CHRM3: variants seen among roughly 807,000 people sequenced by gnomAD.
CHRM3 encodes the protein cholinergic receptor muscarinic 3, also known as muscarinic acetylcholine receptor M3.
In CHRM3, 11 loss-of-function variants were observed where a neutral mutation model predicts 41.8. The observed-to-expected ratio is 0.26, with a 90% confidence interval of 0.17 to 0.44. The LOEUF (loss-of-function observed/expected upper bound fraction) is 0.44, where lower values mean the gene tolerates loss of function less well. Ranked by LOEUF, CHRM3 falls within the 20% of genes least tolerant of loss-of-function variation. The pLI, the probability that CHRM3 is intolerant of heterozygous loss-of-function variation, is 1.00. For synonymous variants in CHRM3, 297 were observed against 301.4 expected (o/e 0.99, Z 0.15); for missense variants, 571 against 745.4 (o/e 0.77, Z 2.72).
intron 6 of CHRM3, among the ~76,000 whole-genome samples, chr1:239,883,532 C>T (rs894696251): frequency 6.6e-6 from 1 of 152,172 alleles, no homozygotes; most frequent in Non-Finnish European, 1.5e-5. Flanking sequence ...ATTCTAACTG[C>T]TTACTAAATT....
At chr1:239,847,942 G>A (rs1409315121) in intron 6 of CHRM3, among the ~76,000 whole-genome samples, 1 of 149,686 alleles carries the variant, frequency 6.7e-6, no homozygotes, top group Non-Finnish European at 1.5e-5. Context: ...GAGAAGAGAA[G>A]AGAGGAGGGG....
rs1680239923 is a variant in CHRM3, at chr1:239,909,527, C to G, written c.*303C>G. 1 of 275,604 alleles carries G rather than the reference C, an allele frequency of 3.6e-6. No homozygotes were observed. Among genetic ancestry groups the G allele is most frequent in the South Asian group, 7.8e-5 (1 of 12,812 alleles). The allele number at this position is 275,604 out of a possible 1,614,324, so 17.1% of individuals were successfully genotyped here. A position where few individuals can be genotyped will look rare whatever the true frequency, so the allele number is the denominator to read the frequency against. Reference sequence around the variant, plus strand: ...ATATTGCTTGACGGCAATTATATACCCAAAGTGATTTGCCTGGGTCCTTTA... The same window carrying G: ...ATATTGCTTGACGGCAATTATATACGCAAAGTGATTTGCCTGGGTCCTTTA... On this transcript the variant is annotated 3_prime_UTR_variant, in exon 7 of 7. Coordinates refer to ENST00000676153, the MANE Select transcript of CHRM3 (RefSeq NM_001375978.1).
chr1:239,721,292 C>A (rs981683924), intron 5 of CHRM3, among the ~76,000 whole-genome samples: 6 of 151,730 alleles, frequency 4.0e-5, no homozygotes, highest in African/African-American at 1.5e-4. Flanking sequence ...AAGAAATGTT[C>A]TTCTCCAGTT....
rs73120673 is a variant in CHRM3 at position 239,587,299 on chromosome 1, C to T, written c.-313+41550C>T. On this transcript the variant is annotated intron_variant, in intron 3 of 6. Transcript: ENST00000676153. ...CTTCCCATTGAAGGGACCAACTCAGCCCTCCTTCCTGTGGTAATAACAAAG... is the reference window on the plus strand; with the variant it reads ...CTTCCCATTGAAGGGACCAACTCAGTCCTCCTTCCTGTGGTAATAACAAAG... Among the ~76,000 whole-genome samples, 1,353 of 152,246 alleles carry T rather than the reference C, an allele frequency of 8.9e-3. 18 individuals carry two copies. Among genetic ancestry groups the T allele is most frequent in the African/African-American group, 0.031 (1,301 of 41,526 alleles).
chr1:239,574,453 G>C (rs1183420313), intron 3 of CHRM3, among the ~76,000 whole-genome samples: 1 of 152,020 alleles, frequency 6.6e-6, no homozygotes, highest in African/African-American at 2.4e-5. Context: ...ACTCTTCTCG[G>C]TTATGCACTG....
rs531556599 is a variant in CHRM3, at chr1:239,403,976, G to GGAGAGAGAGAGAGAGAGAGAGAGA, written c.-521+16764_-521+16787dup. ...GGGAGGGAGGGAGGGAGAGGGAGGG[G>GGAGAGAGAGAGAGAGAGAGAGAGA]GAGAGAGAGAGAGAGAGAGAGAGAG... is the stretch of plus-strand genomic sequence containing the variant. On this transcript the variant is annotated intron_variant, in intron 1 of 6. Transcript: ENST00000676153. Among the ~76,000 whole-genome samples the GGAGAGAGAGAGAGAGAGAGAGAGA allele has an allele frequency of 6.2e-4, 29 of 46,506 alleles. 3 individuals are homozygous for GGAGAGAGAGAGAGAGAGAGAGAGA. The highest frequency in any genetic ancestry group is 7.0e-4 in the Non-Finnish European group (18 of 25,764). The allele number at this position is 46,506 out of a possible 152,430, so 30.5% of individuals were successfully genotyped here.
chr1:239,749,374 G>C (rs1184343386), intron 5 of CHRM3, among the ~76,000 whole-genome samples: 1 of 152,114 alleles, frequency 6.6e-6, no homozygotes, highest in Non-Finnish European at 1.5e-5. Context: ...CTTGCAAGAA[G>C]CTTGGAGGGT....
chr1:239,610,309 G>C (rs1445145856), intron 3 of CHRM3, among the ~76,000 whole-genome samples: 1 of 148,972 alleles, frequency 6.7e-6, no homozygotes, highest in Non-Finnish European at 1.5e-5. Flanking sequence ...AATCTTAAAA[G>C]AATAATCAAG....
At chr1:239,700,969 C>A (rs1378185333) in intron 5 of CHRM3, among the ~76,000 whole-genome samples, 2 of 152,152 alleles carry the variant, frequency 1.3e-5, no homozygotes, top group Admixed American at 6.5e-5. Flanking sequence ...AAAAGAGCTA[C>A]CATCTCCCTT....
At chr1:239,864,178 C>A (rs1396182292) in intron 6 of CHRM3, among the ~76,000 whole-genome samples, 2 of 151,702 alleles carry the variant, frequency 1.3e-5, no homozygotes, top group Non-Finnish European at 2.9e-5. Context: ...GGCAACATAG[C>A]GAGACCCTGC....
chr1:239,838,416 A>C (rs1015480934), intron 6 of CHRM3, among the ~76,000 whole-genome samples: 5 of 151,790 alleles, frequency 3.3e-5, no homozygotes, highest in African/African-American at 9.7e-5. Flanking sequence ...GTTTTGGACA[A>C]CTCTACAATA....
chr1:239,628,210 TC>T (rs1369320433), intron 3 of CHRM3, among the ~76,000 whole-genome samples: 20 of 40,924 alleles, frequency 4.9e-4, no homozygotes, highest in South Asian at 8.1e-4. Context: ...TTCTTTTTAT[TC>T]TTTTTTCTCT....
At chr1:239,707,630 A>C (rs1354553510) in intron 5 of CHRM3, 3 of 152,200 alleles carry the variant, frequency 2.0e-5, no homozygotes, top group Non-Finnish European at 4.4e-5. Context: ...CAAGAAAGCA[A>C]TGGTTTTGAA....
rs753846513 is a variant in CHRM3 at position 239,387,061 on chromosome 1, G to A, written c.-687G>A. ...CCGCAGCAGCGCTTCTGGGAAGACG[G>A]GCGATGAACTGAAGGGCGGCTCCGG... On this transcript the variant is annotated 5_prime_UTR_variant, in exon 1 of 7. Coordinates refer to ENST00000676153, the MANE Select transcript of CHRM3 (RefSeq NM_001375978.1). This position sits in a 1 kb window ranked among gnomAD's most constrained non-coding sequence, Gnocchi z 5.1. 6 of 152,322 alleles carry A rather than the reference G, an allele frequency of 3.9e-5. No homozygotes were observed. Among genetic ancestry groups the A allele is most frequent in the Non-Finnish European group, 7.3e-5 (5 of 68,186 alleles). 9.4% of individuals were successfully genotyped at this position (152,322 alleles called of 1,614,324 possible).
At chr1:239,741,634 C>A (rs1297084561) in intron 5 of CHRM3, among the ~76,000 whole-genome samples, 1 of 152,078 alleles carries the variant, frequency 6.6e-6, no homozygotes, top group East Asian at 1.9e-4. Flanking sequence ...GAAAGGATTT[C>A]CACCACTGAA....
chr1:239,802,550 G>A (rs186806223), intron 5 of CHRM3, among the ~76,000 whole-genome samples: 401 of 152,228 alleles, frequency 2.6e-3, no homozygotes, highest in South Asian at 0.013. Flanking sequence ...AAAGAAGCAG[G>A]GGGTCATAGG....
At chr1:239,885,561 A>G (rs532825021) in intron 6 of CHRM3, among the ~76,000 whole-genome samples, 2 of 152,238 alleles carry the variant, frequency 1.3e-5, no homozygotes, top group African/African-American at 2.4e-5. Context: ...TAAAGCCCTC[A>G]GTATATTTTT....
chr1:239,809,513 CT>C (rs1426595742), intron 5 of CHRM3, among the ~76,000 whole-genome samples: 2 of 151,218 alleles, frequency 1.3e-5, no homozygotes, highest in East Asian at 3.9e-4. Context: ...TGTTTGTTTT[CT>C]TGAGATGGGG....
intron 5 of CHRM3, among the ~76,000 whole-genome samples, chr1:239,797,116 C>T (rs562217074): frequency 9.9e-5 from 15 of 152,232 alleles, no homozygotes; most frequent in Admixed American, 5.9e-4. Context: ...AATCAAATAC[C>T]GCATGTTCTC....
Sources: gnomAD v4.1 joint callset for allele counts (sites outside exome capture counted in the v4.1 genomes callset) on GRCh38, gnomAD v4.1.1 for gene constraint, Gnocchi (gnomAD v3.1) non-coding constraint, MANE v1.5 for transcripts, NCBI Gene and HGNC (gene_info 2026-07-23, HGNC 2026-07-21) for gene names.